NSD2: variants seen among roughly 807,000 people sequenced by gnomAD.
NSD2 encodes nuclear receptor binding SET domain protein 2.
Under a neutral mutation model 139.0 loss-of-function variants are expected in NSD2, and 12 were observed. The ratio of observed to expected loss-of-function variants is 0.09; its 90% CI spans 0.06 to 0.14. The LOEUF is 0.14. Among genes scored for constraint, NSD2 ranks in the 10% least tolerant of loss-of-function variants. NSD2 has a pLI of 1.00. For synonymous variants in NSD2, 669 were observed against 648.7 expected (o/e 1.03, Z -0.48); for missense variants, 1,155 against 1,745.0 (o/e 0.66, Z 6.02).
rs1717061277 is a variant in NSD2, at chr4:1,900,849, T to C, written c.195T>C (p.Phe65=). 2 of 1,613,706 alleles carry C rather than the reference T, an allele frequency of 1.2e-6. No homozygotes were observed. Among genetic ancestry groups the C allele is most frequent in the South Asian group, 2.2e-5 (2 of 91,040 alleles). The part of the protein sequence containing the change: ...SSLQEGVMQK[F]NGHDALPFIP... ...TGCAGGAGGGGGTCATGCAGAAGTT[T>C]AACGGCCACGACGCCCTGCCCTTTA... is the stretch of plus-strand genomic sequence containing the variant. The change falls in exon 2 of 22, where the codon TTT becomes TTC. Residue 65 remains phenylalanine, a synonymous_variant. Transcript: ENST00000508803.
intron 6 of NSD2, among the ~76,000 whole-genome samples, chr4:1,934,575 C>T (rs1446738728): frequency 6.7e-6 from 1 of 150,350 alleles, no homozygotes; most frequent in Non-Finnish European, 1.5e-5. Flanking sequence ...TAAGGCCAGG[C>T]GCGGTGGCTC....
At chr4:1,952,277 G>A in intron 11 of NSD2, 46 bp downstream of exon 11, 1 of 1,608,160 alleles carries the variant, frequency 6.2e-7, no homozygotes, top group Non-Finnish European at 8.5e-7. Context: ...CCGGCCACCT[G>A]CTCCTGCAAC....
At chr4:1,916,042 T>G (rs954306538) in intron 3 of NSD2, among the ~76,000 whole-genome samples, 11 of 152,150 alleles carry the variant, frequency 7.2e-5, no homozygotes, top group Non-Finnish European at 1.5e-4. Flanking sequence ...GGGACGTGGC[T>G]TCTTCCTCTC....
At chr4:1,904,053 G>A (rs1340917841) in intron 2 of NSD2, among the ~76,000 whole-genome samples, 163 bp from the exon 3 acceptor site, 1 of 152,118 alleles carries the variant, frequency 6.6e-6, no homozygotes, top group East Asian at 1.9e-4. Flanking sequence ...AAATTTTGAT[G>A]AAACGATGTT....
chr4:1,929,402 C>G (rs1240626764), intron 5 of NSD2, among the ~76,000 whole-genome samples: 1 of 152,086 alleles, frequency 6.6e-6, no homozygotes, highest in Non-Finnish European at 1.5e-5. Context: ...TGTTACTGCC[C>G]CCGTTTCACA....
chr4:1,920,108 C>T (rs566711039), intron 5 of NSD2, among the ~76,000 whole-genome samples: 3 of 152,040 alleles, frequency 2.0e-5, no homozygotes, highest in African/African-American at 7.2e-5. Flanking sequence ...ATTTTTTTGT[C>T]CCTATATGGG....
In NSD2 at chr4:1,980,089, G is replaced by A. The variant is rs1727607310; in HGVS notation, c.*1180G>A. The A allele has an allele frequency of 4.3e-6, 1 of 233,330 alleles. No individual in the cohort carries two copies. The highest frequency in any genetic ancestry group is 5.6e-5 in the Admixed American group (1 of 17,786). The allele number at this position is 233,330 out of a possible 1,614,324, so 14.5% of individuals were successfully genotyped here. ...TCTGCCAGGGCACCTACTGAGAGGT[G>A]CGGTCCTGGGGGTGGAGGCCTGCCT... On this transcript the variant is annotated 3_prime_UTR_variant, in exon 22 of 22. Coordinates refer to ENST00000508803, the MANE Select transcript of NSD2 (RefSeq NM_001042424.3).
At chr4:1,939,559 C>A in intron 8 of NSD2, 95 bp from the exon 9 acceptor site, 1 of 1,259,012 alleles carries the variant, frequency 7.9e-7, no homozygotes, top group Non-Finnish European at 1.1e-6. Flanking sequence ...GAAGATTCAT[C>A]TTTAGAACTT....
At chr4:1,927,564 C>T (rs1721080820) in intron 5 of NSD2, among the ~76,000 whole-genome samples, 1 of 151,462 alleles carries the variant, frequency 6.6e-6, no homozygotes, top group Non-Finnish European at 1.5e-5. Flanking sequence ...ACTAAAAATA[C>T]AAAAAGTAGC....
chr4:1,918,998 G>T (rs1331591922), intron 5 of NSD2: 1 of 189,126 alleles, frequency 5.3e-6, no homozygotes, highest in East Asian at 1.4e-4. Flanking sequence ...AATTAGCCGG[G>T]TGTGGTGGCA....
intron 6 of NSD2, among the ~76,000 whole-genome samples, chr4:1,934,488 C>T (rs1722066220): frequency 6.7e-6 from 1 of 149,366 alleles, no homozygotes; most frequent in Admixed American, 6.7e-5. Flanking sequence ...AGCGAAACTC[C>T]ATCTCAAAAA....
chr4:1,943,442 A>T, intron 9 of NSD2: 1 of 1,044,644 alleles, frequency 9.6e-7, no homozygotes, highest in Non-Finnish European at 1.2e-6. Flanking sequence ...AATTGCCATC[A>T]TTCTATTTTT....
intron 2 of NSD2, among the ~76,000 whole-genome samples, chr4:1,902,041 A>G (rs180812884): frequency 9.1e-4 from 139 of 152,278 alleles, no homozygotes; most frequent in African/African-American, 3.3e-3. Flanking sequence ...TGGCAGAAGG[A>G]AGGAACTCTT....
At chr4:1,957,288 GTTT>G (rs201986259) in intron 15 of NSD2, among the ~76,000 whole-genome samples, 1 of 141,340 alleles carries the variant, frequency 7.1e-6, no homozygotes, top group African/African-American at 2.6e-5. Context: ...TTTTGTTTTT[GTTT>G]TTTTTTTTTT....
In NSD2 at chr4:1,981,282, C is replaced by A. The variant is rs1373881664; in HGVS notation, c.*2373C>A. 1 of 233,334 alleles carries A rather than the reference C, an allele frequency of 4.3e-6. No individual in the cohort carries two copies. The highest frequency in any genetic ancestry group is 5.6e-5 in the Admixed American group (1 of 17,808). 14.5% of individuals were successfully genotyped at this position (233,334 alleles called of 1,614,324 possible). On this transcript the variant is annotated 3_prime_UTR_variant, in exon 22 of 22. Transcript: ENST00000508803. Reference sequence around the variant, plus strand: ...AATACCCGTTGATAACTCAGTGGAGCCAGGCTTTGGGGTAGCGGCCCTGAG... The same window carrying A: ...AATACCCGTTGATAACTCAGTGGAGACAGGCTTTGGGGTAGCGGCCCTGAG...
intron 3 of NSD2, among the ~76,000 whole-genome samples, chr4:1,911,600 A>G (rs1402217573): frequency 1.4e-4 from 21 of 145,818 alleles, no homozygotes; most frequent in African/African-American, 3.8e-4. Context: ...AAAAAAAAAA[A>G]AAAAAAAGAA....
chr4:1,950,885 T>C (rs1427961955), intron 9 of NSD2, among the ~76,000 whole-genome samples, 187 bp from the exon 10 acceptor site: 2 of 152,208 alleles, frequency 1.3e-5, no homozygotes, highest in African/African-American at 4.8e-5. Flanking sequence ...CATAGCCTAA[T>C]TGACGGGTTA....
At chr4:1,947,199 T>G (rs1723726034) in intron 9 of NSD2, 1 of 1,064,478 alleles carries the variant, frequency 9.4e-7, no homozygotes, top group African/African-American at 1.6e-5. Context: ...TGGCCGCTGC[T>G]CAGGACACAG....
At chr4:1,915,111 CTTTTTTTT>C (rs781255847) in intron 3 of NSD2, among the ~76,000 whole-genome samples, 6 of 115,544 alleles carry the variant, frequency 5.2e-5, no homozygotes, top group African/African-American at 1.4e-4. Flanking sequence ...CTTTTTTTCT[CTTTTTTTT>C]TTTTTTTTTT....
Sources: allele counts gnomAD v4.1 joint callset (sites outside exome capture counted in the v4.1 genomes callset), GRCh38; gene constraint gnomAD v4.1.1; transcripts MANE v1.5; gene names NCBI Gene and HGNC (gene_info 2026-07-23, HGNC 2026-07-21).